The following CCDC88A variants were observed in gnomAD, a reference collection of about 807,000 sequenced individuals.
CCDC88A encodes the protein coiled-coil and HOOK domain protein 88A.
In CCDC88A, 54 loss-of-function variants were observed where a neutral mutation model predicts 234.3. That is an observed-to-expected ratio of 0.23 (90% CI 0.19 to 0.29). CCDC88A has a LOEUF of 0.29. Ranked by LOEUF, CCDC88A falls within the 10% of genes least tolerant of loss-of-function variation. The probability of loss-of-function intolerance (pLI) is 1.00; values close to 1 mark genes in which losing one functional copy is unlikely to be tolerated. For synonymous variants in CCDC88A, 753 were observed against 737.8 expected (o/e 1.02, Z -0.33); for missense variants, 1,832 against 2,123.4 (o/e 0.86, Z 2.70).
intron 25 of CCDC88A, among the ~76,000 whole-genome samples, chr2:55,305,342 G>T (rs1681420243): frequency 6.6e-6 from 1 of 152,076 alleles, no homozygotes; most frequent in Admixed American, 6.5e-5. Flanking sequence ...TGAAATTAAG[G>T]GAACATTAGT....
chr2:55,310,592 G>A (rs1314865085), intron 23 of CCDC88A, among the ~76,000 whole-genome samples: 2 of 151,704 alleles, frequency 1.3e-5, no homozygotes, highest in Non-Finnish European at 2.9e-5. Context: ...AAAAAAAAAA[G>A]ATTGGAGATA....
chr2:55,384,653 A>T (rs529075442), intron 3 of CCDC88A, among the ~76,000 whole-genome samples: 1 of 3,968 alleles, frequency 2.5e-4, no homozygotes, highest in African/African-American at 2.3e-3. Flanking sequence ...ATATATACAT[A>T]TATATATATA....
intron 7 of CCDC88A, among the ~76,000 whole-genome samples, chr2:55,357,963 A>G (rs960144915): frequency 6.6e-6 from 1 of 152,008 alleles, no homozygotes; most frequent in Admixed American, 6.6e-5. Flanking sequence ...CGCCTCCTTT[A>G]CTATCATTTT....
At chr2:55,417,868 C>T (rs1045367365) in intron 2 of CCDC88A, 1 of 152,068 alleles carries the variant, frequency 6.6e-6, no homozygotes, top group Non-Finnish European at 1.5e-5. Flanking sequence ...ACACCAATTT[C>T]CCATACATAT....
intron 8 of CCDC88A, among the ~76,000 whole-genome samples, chr2:55,351,546 G>C (rs1669887369): frequency 1.3e-5 from 2 of 151,994 alleles, no homozygotes; most frequent in South Asian, 4.1e-4. Flanking sequence ...GGGTCTCCCT[G>C]TGTTGCCCAG....
chr2:55,294,900 CATT>C (rs1679839473), intron 31 of CCDC88A: 3 of 1,123,188 alleles, frequency 2.7e-6, no homozygotes, highest in Non-Finnish European at 3.3e-6. Context: ...TACACATTCA[CATT>C]AATATACATG....
rs1012927940 is a variant in CCDC88A at position 55,355,692 on chromosome 2, T to C, written c.687A>G (p.Ser229=). 2.5e-6 allele frequency: 4 copies of C among 1,613,982 alleles called. No individual in the cohort carries two copies. Among genetic ancestry groups the C allele is most frequent in the African/African-American group, 1.3e-5 (1 of 74,940 alleles). Residue 229 remains serine (S), a synonymous_variant, in exon 8 of 33, where the codon TCA becomes TCG. Transcript: ENST00000436346. ...GAGAACCACAGGGTGACTGTGCAGA[T>C]GAAGAGGCATGGGGTAGAAAATGGA... The part of the protein sequence containing the change: ...DGLHFLPHAS[S]SAQSPCGSPG...
Position 55,355,712 on chromosome 2 carries a change from A to C in CCDC88A, c.667T>G (p.Phe223Val). 5 of 1,613,966 alleles carry C rather than the reference A, an allele frequency of 3.1e-6. No homozygotes were observed. The highest frequency in any genetic ancestry group is 4.2e-6 in the Non-Finnish European group (5 of 1,179,882). ...GCAGATGAAGAGGCATGGGGTAGAA[A>C]ATGGAGACCATCCCGCTCTTCAGAG... is the stretch of plus-strand genomic sequence containing the variant. ...ELSEERDGLH[F>V]LPHASSSAQS... is the part of the protein sequence containing the mutation. Residue 223 changes from phenylalanine to valine, a missense_variant, in exon 8 of 33, where the codon TTT becomes GTT. This residue lies in a region of CCDC88A where 1,282 missense variants were observed against 1,543.6 expected (regional missense o/e 0.83). Coordinates refer to ENST00000436346, the MANE Select transcript of CCDC88A (RefSeq NM_001365480.1).
rs367863063 is a variant in CCDC88A, at chr2:55,401,470, A to ATATATGTGTG, written c.165-12585_165-12584insCACACATATA. Among the ~76,000 whole-genome samples the ATATATGTGTG allele has an allele frequency of 5.0e-3, 157 of 31,506 alleles. 24 individuals carry two copies. The highest frequency in any genetic ancestry group is 5.8e-3 in the Non-Finnish European group (74 of 12,744). 20.7% of individuals were successfully genotyped at this position (31,506 alleles called of 152,430 possible). On this transcript the variant is annotated intron_variant, in intron 2 of 32. Coordinates refer to ENST00000436346, the MANE Select transcript of CCDC88A (RefSeq NM_001365480.1). ...AAAATATATATATATATATATACAT[A>ATATATGTGTG]TGTGTGTGTATGTATGTGTGTGTGT...
chr2:55,368,337 T>A (rs1314365012), intron 5 of CCDC88A, among the ~76,000 whole-genome samples: 2 of 152,190 alleles, frequency 1.3e-5, no homozygotes, highest in Non-Finnish European at 2.9e-5. Flanking sequence ...GATCTTTGGA[T>A]AATGGTTAAC....
intron 5 of CCDC88A, among the ~76,000 whole-genome samples, chr2:55,365,985 G>A (rs1490411717): frequency 6.6e-6 from 1 of 152,186 alleles, no homozygotes; most frequent in African/African-American, 2.4e-5. Flanking sequence ...CATGCGGCTA[G>A]TGGCTACTGT....
intron 2 of CCDC88A, among the ~76,000 whole-genome samples, chr2:55,395,208 C>T (rs998290808): frequency 6.6e-6 from 1 of 152,112 alleles, no homozygotes; most frequent in African/African-American, 2.4e-5. Flanking sequence ...AAACTCCTGG[C>T]CTCAAGTGAT....
chr2:55,413,151 T>A (rs552476312), intron 2 of CCDC88A, among the ~76,000 whole-genome samples: 9 of 152,210 alleles, frequency 5.9e-5, no homozygotes, highest in African/African-American at 2.2e-4. Context: ...GAGGTTGCAG[T>A]GGGTTGCGAT....
Position 55,346,264 on chromosome 2 carries a change from T to C in CCDC88A, c.952A>G (p.Lys318Glu), listed in dbSNP as rs1283470266. ...YRDELDALREKAVRVDKLESE... is the reference protein window; with the variant it reads ...YRDELDALREEAVRVDKLESE... ...TCAAGCTTATCGACTCTGACTGCTT[T>C]CTCTCGAAGTGCATCTAATTCATCT... The change falls in exon 10 of 33, where the codon AAA (lysine) becomes GAA (glutamate). Residue 318 changes from lysine to glutamate, a missense_variant. Physicochemically the swap from Lys to Glu is moderately conservative, Grantham distance 56 (BLOSUM62 1). Around this residue, in one of 6 missense-constraint regions of CCDC88A, gnomAD observed 1,282 missense variants for 1,543.6 expected, o/e 0.83. Coordinates refer to ENST00000436346, the MANE Select transcript of CCDC88A (RefSeq NM_001365480.1). 1.2e-6 allele frequency: 2 copies of C among 1,611,998 alleles called. No individual in the cohort carries two copies. Among genetic ancestry groups the C allele is most frequent in the Non-Finnish European group, 1.7e-6 (2 of 1,178,462 alleles).
Position 55,334,425 on chromosome 2 carries a change from T to C in CCDC88A, c.2396A>G (p.Asn799Ser), listed in dbSNP as rs200918324. 6.3e-7 allele frequency: 1 copy of C among 1,581,872 alleles called. No individual in the cohort carries two copies. Among genetic ancestry groups the C allele is most frequent in the Admixed American group, 2.0e-5 (1 of 50,602 alleles). Residue 799 changes from asparagine (N) to serine (S), a missense_variant, in exon 15 of 33, where the codon AAC (asparagine) becomes AGC (serine). Asn to Ser is a conservative substitution (Grantham distance 46, BLOSUM62 1). This residue lies in a region of CCDC88A where 1,282 missense variants were observed against 1,543.6 expected (regional missense o/e 0.83). Coordinates refer to ENST00000436346, the MANE Select transcript of CCDC88A (RefSeq NM_001365480.1). This position sits in a 1 kb window ranked among gnomAD's most constrained non-coding sequence, Gnocchi z 6.1. Reference protein sequence around the residue: ...LEMENQTLQKNLEELKISSKR... With the variant: ...LEMENQTLQKSLEELKISSKR... ...GCTAGATATTTTTAGTTCTTCTAGG[T>C]TTTTCTGCAATGTTTGATTTTCCAT...
Position 55,400,496 on chromosome 2 carries a change from TA to T in CCDC88A, c.165-11611del, listed in dbSNP as rs1678425134. ...AGGGCCTCAAGCAATTTCACATTTATAAATGATCTACTTATGACAAGTTGCA... is the reference window on the plus strand; with the variant it reads ...AGGGCCTCAAGCAATTTCACATTTATAATGATCTACTTATGACAAGTTGCA... On this transcript the variant is annotated intron_variant, in intron 2 of 32. Coordinates refer to ENST00000436346, the MANE Select transcript of CCDC88A (RefSeq NM_001365480.1). Among the ~76,000 whole-genome samples, 6 of 152,318 alleles carry T rather than the reference TA, an allele frequency of 3.9e-5. No individual in the cohort carries two copies. The South Asian group carries it at 1.2e-3, about 32-fold the overall frequency.
chr2:55,357,297 C>T (rs1031936639), intron 7 of CCDC88A, among the ~76,000 whole-genome samples: 5 of 151,492 alleles, frequency 3.3e-5, no homozygotes, highest in Non-Finnish European at 7.4e-5. Context: ...CTTCTGCTTC[C>T]CATCTCAAAA....
At chr2:55,405,860 T>G (rs1679463774) in intron 2 of CCDC88A, 1 of 151,760 alleles carries the variant, frequency 6.6e-6, no homozygotes, top group South Asian at 2.1e-4. Context: ...AATACTTAAG[T>G]TAAAAAAAAA....
rs1485678772 is a variant in CCDC88A at position 55,302,184 on chromosome 2, T to C, written c.4472-112A>G. On this transcript the variant is annotated intron_variant, in intron 26 of 32. Transcript: ENST00000436346. ...GTCTATGAATTAATGCAAATGGACA[T>C]AAAAAATTATAACCACATGGTCATT... 8.0e-6 allele frequency: 6 copies of C among 749,898 alleles called. No homozygotes were observed. The African/African-American group carries it at 1.1e-4, about 13-fold the overall frequency. 46.5% of individuals were successfully genotyped at this position (749,898 alleles called of 1,614,324 possible). A position where few individuals can be genotyped will look rare whatever the true frequency, so the allele number is the denominator to read the frequency against.
Sources: allele counts gnomAD v4.1 joint callset (sites outside exome capture counted in the v4.1 genomes callset), GRCh38; gene constraint gnomAD v4.1.1; regional missense constraint gnomAD v4.1.1; non-coding constraint Gnocchi (gnomAD v3.1); transcripts MANE v1.5; gene names NCBI Gene and HGNC (gene_info 2026-07-23, HGNC 2026-07-21).